BCR: variants seen among roughly 807,000 people sequenced by gnomAD.
BCR encodes BCR activator of RhoGEF and GTPase, also known as breakpoint cluster region protein.
In BCR, 58 loss-of-function variants were observed where a neutral mutation model predicts 138.6. The ratio of observed to expected loss-of-function variants is 0.42; its 90% CI spans 0.34 to 0.52. BCR has a LOEUF of 0.52. BCR is among the 20% of genes least tolerant of loss of function. The probability of loss-of-function intolerance (pLI) is 0.06; values close to 1 mark genes in which losing one functional copy is unlikely to be tolerated. For synonymous variants in BCR, 786 were observed against 730.1 expected (o/e 1.08, Z -1.23); for missense variants, 1,599 against 1,727.2 (o/e 0.93, Z 1.32).
chr22:23,190,048 C>T (rs1223857655), intron 1 of BCR, among the ~76,000 whole-genome samples: 3 of 152,242 alleles, frequency 2.0e-5, no homozygotes, highest in African/African-American at 4.8e-5. Flanking sequence ...AAGGTGCCAG[C>T]AGGGTTGGTT....
At position 23,181,808 on chromosome 22, in the gene BCR, A is replaced by T; in HGVS notation, c.848A>T (p.Tyr283Phe). The change falls in exon 1 of 23, where the codon TAC becomes TTC. Residue 283 changes from tyrosine to phenylalanine, a missense_variant. Transcript: ENST00000305877. ...GAGTACCAGCCCTACCAGAGCATCT[A>T]CGTCGGGGGCATGATGGAAGGGGAG... The part of the protein sequence containing the change: ...PLEYQPYQSI[Y>F]VGGMMEGEGK... The T allele has an allele frequency of 1.2e-6, 2 of 1,610,250 alleles. No homozygotes were observed. Among genetic ancestry groups the T allele is most frequent in the Non-Finnish European group, 1.7e-6 (2 of 1,179,914 alleles).
intron 16 of BCR, chr22:23,306,905 G>C (rs576304883): frequency 1.3e-5 from 2 of 152,658 alleles, no homozygotes; most frequent in South Asian, 2.1e-4. Context: ...GTGGTTCCAG[G>C]GGGGCTTTGA....
At chr22:23,193,395 G>A (rs914530727) in intron 1 of BCR, among the ~76,000 whole-genome samples, 1 of 152,226 alleles carries the variant, frequency 6.6e-6, no homozygotes, top group African/African-American at 2.4e-5. Flanking sequence ...TGGGAGTAGC[G>A]GGTGCAGACC....
chr22:23,209,329 C>T (rs1401933149), intron 1 of BCR, among the ~76,000 whole-genome samples: 1 of 151,904 alleles, frequency 6.6e-6, no homozygotes, highest in African/African-American at 2.4e-5. Flanking sequence ...CACTGCACTC[C>T]AGCTTGGGCT....
chr22:23,202,222 G>GT (rs748300376), intron 1 of BCR, among the ~76,000 whole-genome samples: 2 of 151,948 alleles, frequency 1.3e-5, no homozygotes, highest in Non-Finnish European at 2.9e-5. Context: ...CTTCACTGAG[G>GT]TAATTCATGT....
At position 23,261,488 on chromosome 22, in the gene BCR, G is replaced by A. The variant is rs746409068; in HGVS notation, c.1700G>A (p.Arg567His). 22 of 1,613,334 alleles carry A rather than the reference G, an allele frequency of 1.4e-5. No individual in the cohort carries two copies. The highest frequency in any genetic ancestry group is 1.6e-5 in the Non-Finnish European group (19 of 1,180,010). The change falls in exon 4 of 23, where the codon CGC (arginine) becomes CAC (histidine). Residue 567 changes from arginine (R) to histidine (H), a missense_variant. Coordinates refer to ENST00000305877, the MANE Select transcript of BCR (RefSeq NM_004327.4). ...HKEFYDGLFP[R>H]VQQWSHQQRV... is the part of the protein sequence containing the mutation. ...GAGTTCTATGATGGGCTCTTCCCCCGCGTGCAGCAGTGGAGCCACCAGCAG... is the reference window on the plus strand; with the variant it reads ...GAGTTCTATGATGGGCTCTTCCCCCACGTGCAGCAGTGGAGCCACCAGCAG...
At position 23,290,391 on chromosome 22, in the gene BCR, C is replaced by T; in HGVS notation, c.2760C>T (p.Ala920=). The T allele has an allele frequency of 1.9e-6, 3 of 1,614,136 alleles. No individual in the cohort carries two copies. Among genetic ancestry groups the T allele is most frequent in the Non-Finnish European group, 2.5e-6 (3 of 1,180,002 alleles). ...TTCTGAATGTCATCGTCCACTCAGC[C>T]ACTGGATTTAAGCAGAGTTCAAGTA... is the stretch of plus-strand genomic sequence containing the variant. ...YGFLNVIVHS[A]TGFKQSSNLY... The change falls in exon 14 of 23, where the codon GCC becomes GCT. Residue 920 remains alanine (A), a synonymous_variant. Transcript: ENST00000305877.
At chr22:23,301,343 G>T (rs5759691) in intron 16 of BCR, among the ~76,000 whole-genome samples, 13,217 of 152,230 alleles carry the variant, frequency 0.087, 615 homozygotes, top group East Asian at 0.17. Context: ...CCTAATGGCA[G>T]CAAGGCTCCA....
chr22:23,299,629 C>G (rs377687121), intron 16 of BCR, among the ~76,000 whole-genome samples: 2 of 151,798 alleles, frequency 1.3e-5, no homozygotes, highest in African/African-American at 4.8e-5. Context: ...AGTATCCAGA[C>G]AGAGACATAA....
Position 23,180,981 on chromosome 22 carries a change from C to T in BCR, c.21C>T (p.Phe7=). 7.0e-7 allele frequency: 1 copy of T among 1,420,632 alleles called. No individual in the cohort carries two copies. Among genetic ancestry groups the T allele is most frequent in the Non-Finnish European group, 9.3e-7 (1 of 1,071,092 alleles). 88.0% of individuals were successfully genotyped at this position (1,420,632 alleles called of 1,614,324 possible). A position where few individuals can be genotyped will look rare whatever the true frequency, so the allele number is the denominator to read the frequency against. The change falls in exon 1 of 23, where the codon TTC becomes TTT. Residue 7 remains phenylalanine, a synonymous_variant. Transcript: ENST00000305877. The part of the protein sequence containing the change: MVDPVG[F]AEAWKAQFPD... ...GCGCCATGGTGGACCCGGTGGGCTT[C>T]GCGGAGGCGTGGAAGGCGCAGTTCC...
At chr22:23,213,031 T>G (rs1252360275) in intron 1 of BCR, among the ~76,000 whole-genome samples, 2 of 152,166 alleles carry the variant, frequency 1.3e-5, no homozygotes, top group Admixed American at 6.5e-5. Context: ...TTGGGAGGCT[T>G]TCGGGCTTCC....
At chr22:23,249,309 G>A (rs771168163) in intron 1 of BCR, among the ~76,000 whole-genome samples, 36 of 152,080 alleles carry the variant, frequency 2.4e-4, no homozygotes, top group Non-Finnish European at 2.6e-4. Flanking sequence ...GCGCACGCCT[G>A]TAGTCCCAGC....
rs1317147189 is a variant in BCR at position 23,270,413 on chromosome 22, A to C, written c.1861-1119A>C. Among the ~76,000 whole-genome samples the C allele has an allele frequency of 2.0e-5, 3 of 152,308 alleles. No homozygotes were observed. The South Asian group carries it at 6.2e-4, about 32-fold the overall frequency. ...AGGCAGGTTTTCCTGGAGCTCCTAGATAACTCCCAAGCATCACACTGTCCA... is the reference window on the plus strand; with the variant it reads ...AGGCAGGTTTTCCTGGAGCTCCTAGCTAACTCCCAAGCATCACACTGTCCA... On this transcript the variant is annotated intron_variant, in intron 5 of 22. Transcript: ENST00000305877.
chr22:23,200,378 A>G (rs947776211), intron 1 of BCR, among the ~76,000 whole-genome samples: 1 of 151,684 alleles, frequency 6.6e-6, no homozygotes, highest in Non-Finnish European at 1.5e-5. Flanking sequence ...GCAGTGGCAC[A>G]CTCACAACTC....
intron 2 of BCR, among the ~76,000 whole-genome samples, chr22:23,258,543 G>A (rs1162091819): frequency 1.3e-5 from 2 of 152,224 alleles, no homozygotes; most frequent in African/African-American, 4.8e-5. Context: ...AAATTCTACA[G>A]ATACCATGAG....
intron 12 of BCR, among the ~76,000 whole-genome samples, chr22:23,288,486 C>T (rs1433037730): frequency 6.6e-6 from 1 of 151,716 alleles, no homozygotes; most frequent in Admixed American, 6.6e-5. Context: ...CCCCTGCCAT[C>T]TCCCCCTAGT....
rs1013655753 is a variant in BCR at position 23,220,232 on chromosome 22, T to G, written c.1280-33567T>G. Among the ~76,000 whole-genome samples, 4 of 152,230 alleles carry G rather than the reference T, an allele frequency of 2.6e-5. 1 individual carries two copies. Among genetic ancestry groups the G allele is most frequent in the Non-Finnish European group, 5.9e-5 (4 of 68,030 alleles). ...TACCTCCCTCTGTCGAATGTACTTC[T>G]GAAAGGAGGAAGGTTACACTGAAGT... is the stretch of plus-strand genomic sequence containing the variant. On this transcript the variant is annotated intron_variant, in intron 1 of 22. Coordinates refer to ENST00000305877, the MANE Select transcript of BCR (RefSeq NM_004327.4).
chr22:23,285,123 C>G lies in BCR; in HGVS notation c.2328C>G (p.Ile776Met). ...MVDELEAVPN[I>M]PLVPDEELDA... Reference sequence around the variant, plus strand: ...ATGAACTGGAGGCAGTGCCCAACATCCCCCTGGTGCCCGATGAGGAGCTGG... The same window carrying G: ...ATGAACTGGAGGCAGTGCCCAACATGCCCCTGGTGCCCGATGAGGAGCTGG... Residue 776 changes from isoleucine (I) to methionine (M), a missense_variant, in exon 10 of 23, where the codon ATC becomes ATG. Ile to Met is a conservative substitution (Grantham distance 10). Coordinates refer to ENST00000305877, the MANE Select transcript of BCR (RefSeq NM_004327.4). The G allele has an allele frequency of 1.9e-6, 3 of 1,614,044 alleles. No homozygotes were observed. Among genetic ancestry groups the G allele is most frequent in the Non-Finnish European group, 1.7e-6 (2 of 1,179,988 alleles).
At chr22:23,313,723 C>T (rs1188278336) in intron 20 of BCR, among the ~76,000 whole-genome samples, 4 of 152,192 alleles carry the variant, frequency 2.6e-5, no homozygotes, top group African/African-American at 9.6e-5. Flanking sequence ...GCTCTAGCGG[C>T]TCCTCCTGCT....
Sources: allele counts gnomAD v4.1 joint callset (sites outside exome capture counted in the v4.1 genomes callset), GRCh38; gene constraint gnomAD v4.1.1; transcripts MANE v1.5; gene names NCBI Gene and HGNC (gene_info 2026-07-23, HGNC 2026-07-21).